Variants in PPIG observed in about 807,000 individuals in gnomAD.
PPIG encodes the protein peptidylprolyl isomerase G, also known as peptidyl-prolyl cis-trans isomerase G.
Under a neutral mutation model 87.9 loss-of-function variants are expected in PPIG, and 26 were observed. The observed-to-expected ratio is 0.30, with a 90% CI of 0.22 to 0.41. The LOEUF is 0.41. Among genes scored for constraint, PPIG ranks in the 10% least tolerant of loss-of-function variants. The pLI, the probability that PPIG is intolerant of heterozygous loss-of-function variation, is 1.00. For missense variants in PPIG, 722 were observed against 879.4 expected (o/e 0.82, Z 2.26); for synonymous variants, 308 against 276.5 (o/e 1.11, Z -1.13).
intron 1 of PPIG, among the ~76,000 whole-genome samples, chr2:169,589,555 A>ATCT (rs1443983189): frequency 6.6e-6 from 1 of 152,198 alleles, no homozygotes; most frequent in Non-Finnish European, 1.5e-5. Context: ...AGAGGTGGAA[A>ATCT]TCTTATATAT....
intron 10 of PPIG, chr2:169,631,524 C>A (rs1440439228): frequency 2.5e-6 from 3 of 1,199,504 alleles, no homozygotes; most frequent in Non-Finnish European, 3.2e-6. Flanking sequence ...TATTTTTTAT[C>A]CATTTTGTAG....
Position 169,637,692 on chromosome 2 carries a change from A to G in PPIG, c.*169A>G, listed in dbSNP as rs879108596. On this transcript the variant is annotated 3_prime_UTR_variant, in exon 14 of 14. Coordinates refer to ENST00000260970, the MANE Select transcript of PPIG (RefSeq NM_004792.3). ...TGAGTTGATTTTTTGATAATCTGCA[A>G]TCTGGATAATTTGTACTGCTAAAGT... is the stretch of plus-strand genomic sequence containing the variant. The G allele has an allele frequency of 4.3e-5, 29 of 671,176 alleles. 1 individual carries two copies. Among genetic ancestry groups the G allele is most frequent in the South Asian group, 4.3e-4 (17 of 39,550 alleles). 41.6% of individuals were successfully genotyped at this position (671,176 alleles called of 1,614,324 possible).
chr2:169,592,755 C>T (rs537748598), intron 1 of PPIG, among the ~76,000 whole-genome samples: 5 of 151,948 alleles, frequency 3.3e-5, no homozygotes, highest in Middle Eastern at 3.4e-3. Flanking sequence ...ATTTAATAAT[C>T]GAGGAAATCA....
At chr2:169,594,943 TTTTGAGA>T in intron 1 of PPIG, among the ~76,000 whole-genome samples, 1 of 151,978 alleles carries the variant, frequency 6.6e-6, no homozygotes, top group Non-Finnish European at 1.5e-5. Context: ...TTTTATTTTA[TTTTGAGA>T]TGGAGTCTCA....
intron 7 of PPIG, among the ~76,000 whole-genome samples, chr2:169,613,578 C>A (rs1347147191): frequency 6.6e-6 from 1 of 152,056 alleles, no homozygotes; most frequent in Non-Finnish European, 1.5e-5. Context: ...CCAAAAAATG[C>A]TTATTTTAAT....
rs1370411246 is a variant in PPIG at position 169,636,926 on chromosome 2, C to G, written c.1668C>G (p.His556Gln). 13 of 1,613,830 alleles carry G rather than the reference C, an allele frequency of 8.1e-6. No individual in the cohort carries two copies. The highest frequency in any genetic ancestry group is 1.1e-5 in the Non-Finnish European group (13 of 1,179,952). Residue 556 changes from histidine (H) to glutamine (Q), a missense_variant, in exon 14 of 14, where the codon CAC becomes CAG. Coordinates refer to ENST00000260970, the MANE Select transcript of PPIG (RefSeq NM_004792.3). The stretch of plus-strand genomic sequence containing the variant: ...AATGTGATATAACTAAAGGTAAACA[C>G]AGTTATAATAGCAGAACAAGAGAAC... ...SRECDITKGK[H>Q]SYNSRTRERS...
chr2:169,634,918 ATATC>A (rs1162685790), intron 12 of PPIG, among the ~76,000 whole-genome samples: 1 of 152,220 alleles, frequency 6.6e-6, no homozygotes, highest in Non-Finnish European at 1.5e-5. Flanking sequence ...GGTGTGGGTT[ATATC>A]TATCAATATT....
chr2:169,604,971 G>A (rs561223602), intron 4 of PPIG, among the ~76,000 whole-genome samples: 66 of 152,210 alleles, frequency 4.3e-4, no homozygotes, highest in Non-Finnish European at 7.8e-4. Context: ...GCCGAGGTGG[G>A]TGGATCACTT....
chr2:169,630,990 C>G lies in PPIG; in HGVS notation c.761+3C>G, dbSNP rs372233881. 6 of 1,572,640 alleles carry G rather than the reference C, an allele frequency of 3.8e-6. No homozygotes were observed. The highest frequency in any genetic ancestry group is 5.2e-6 in the Non-Finnish European group (6 of 1,163,890). Reference sequence around the variant, plus strand: ...AAGCGAAAGAAAAGCAAGAAGAGGTCTTAATTTTACTTTTCTAATGCTAGC... The same window carrying G: ...AAGCGAAAGAAAAGCAAGAAGAGGTGTTAATTTTACTTTTCTAATGCTAGC... On this transcript the variant is annotated splice_donor_region_variant and intron_variant, in intron 10 of 13. Coordinates refer to ENST00000260970, the MANE Select transcript of PPIG (RefSeq NM_004792.3).
intron 5 of PPIG, 102 bp downstream of exon 5, chr2:169,606,248 A>G: frequency 1.2e-6 from 1 of 827,786 alleles, no homozygotes; most frequent in Non-Finnish European, 2.0e-6. Context: ...TGTCACTCTC[A>G]CTCCATTTAA....
At chr2:169,598,815 T>TTATATAAATACAGGTAAATATTTATATG (rs1370467264) in intron 1 of PPIG, among the ~76,000 whole-genome samples, 29 of 104,026 alleles carry the variant, frequency 2.8e-4, no homozygotes, top group African/African-American at 7.8e-4. Context: ...ATATTTATAT[T>TTATATAAATACAGGTAAATATTTATATG]TATATAAATA....
At position 169,584,366 on chromosome 2, in the gene PPIG, C is replaced by T. The variant is rs1249030609; in HGVS notation, c.-194C>T. 4.2e-6 allele frequency: 2 copies of T among 471,058 alleles called. No homozygotes were observed. Among genetic ancestry groups the T allele is most frequent in the South Asian group, 1.5e-5 (1 of 64,572 alleles). The allele number at this position is 471,058 out of a possible 1,614,324, so 29.2% of individuals were successfully genotyped here. On this transcript the variant is annotated 5_prime_UTR_variant, in exon 1 of 14. Transcript: ENST00000260970. ...CGCTTCCGGTGCGACGCTGTCTCTC[C>T]ATGCCAGGACTGAGTTGTGGGGGAG...
chr2:169,609,953 CT>C (rs1486630098), intron 7 of PPIG, among the ~76,000 whole-genome samples: 2 of 152,184 alleles, frequency 1.3e-5, no homozygotes, highest in African/African-American at 4.8e-5. Flanking sequence ...GTGAATTCAC[CT>C]TCTCACTAAA....
chr2:169,600,433 C>T (rs1166386459), intron 1 of PPIG, among the ~76,000 whole-genome samples: 2 of 152,144 alleles, frequency 1.3e-5, no homozygotes, highest in Non-Finnish European at 2.9e-5. Context: ...ACCCAAAATG[C>T]TTTGGACCAT....
chr2:169,616,169 G>A (rs754882879), intron 9 of PPIG, among the ~76,000 whole-genome samples: 4 of 152,166 alleles, frequency 2.6e-5, no homozygotes, highest in Non-Finnish European at 5.9e-5. Context: ...CCCTGAAAAG[G>A]ACATGAACTC....
At chr2:169,585,270 C>CTTT (rs1553542345) in intron 1 of PPIG, among the ~76,000 whole-genome samples, 2 of 118,756 alleles carry the variant, frequency 1.7e-5, no homozygotes, top group Non-Finnish European at 3.4e-5. Context: ...CTTGGTTAGT[C>CTTT]TTTTTTTTTG....
chr2:169,607,918 T>C (rs1685378117), intron 6 of PPIG, among the ~76,000 whole-genome samples: 1 of 152,122 alleles, frequency 6.6e-6, no homozygotes, highest in Admixed American at 6.6e-5. Flanking sequence ...ATGCAGTGGC[T>C]TTTCATGGGT....
At chr2:169,615,905 T>C (rs1685598101) in intron 9 of PPIG, among the ~76,000 whole-genome samples, 1 of 152,202 alleles carries the variant, frequency 6.6e-6, no homozygotes, top group Non-Finnish European at 1.5e-5. Flanking sequence ...CATGCCGGTT[T>C]ATTACATAGG....
intron 1 of PPIG, among the ~76,000 whole-genome samples, chr2:169,591,188 C>T (rs2592804): frequency 0.4 from 61,345 of 151,952 alleles, 13,024 homozygotes; most frequent in East Asian, 0.58. Flanking sequence ...ATATTTTTGT[C>T]CTGTTTTTCA....
Sources: gnomAD v4.1 joint callset for allele counts (sites outside exome capture counted in the v4.1 genomes callset) on GRCh38, gnomAD v4.1.1 for gene constraint, MANE v1.5 for transcripts, NCBI Gene and HGNC (gene_info 2026-07-23, HGNC 2026-07-21) for gene names.